RPS6KA5: variants seen among roughly 807,000 people sequenced by gnomAD.
The protein encoded by RPS6KA5 is ribosomal protein S6 kinase A5.
A neutral mutation model predicts 85.5 loss-of-function variants in RPS6KA5; 27 were observed. The ratio of observed to expected loss-of-function variants is 0.32; its 90% CI spans 0.23 to 0.44. RPS6KA5 has a LOEUF of 0.44. Among genes scored for constraint, RPS6KA5 ranks in the 20% least tolerant of loss-of-function variants. The pLI is 1.00. For synonymous variants in RPS6KA5, 334 were observed against 348.2 expected, an observed-to-expected ratio of 0.96 and a Z score of 0.46; for missense variants, 811 against 980.9, an observed-to-expected ratio of 0.83 and a Z score of 2.31.
At chr14:91,060,151 A>T in intron 1 of RPS6KA5, 181 bp downstream of exon 1, 1 of 982,446 alleles carries the variant, frequency 1.0e-6, no homozygotes, top group African/African-American at 1.8e-5. Flanking sequence ...CGCCTCCCCC[A>T]AGGCGCGCCC....
In RPS6KA5 at chr14:90,980,413, C is replaced by T. The variant is rs111614502; in HGVS notation, c.176-1889G>A. ...CTCTCAAAACCAGGAATTCTTTCCA[C>T]AAGATCACCAAACATGGCTGTTCAG... On this transcript the variant is annotated intron_variant, in intron 2 of 16. Transcript: ENST00000614987. Among the ~76,000 whole-genome samples, 646 of 152,314 alleles carry T rather than the reference C, an allele frequency of 4.2e-3. 4 individuals carry two copies. Among genetic ancestry groups the T allele is most frequent in the African/African-American group, 0.014 (597 of 41,560 alleles).
At chr14:90,975,723 G>A (rs1230190297) in intron 3 of RPS6KA5, among the ~76,000 whole-genome samples, 1 of 152,212 alleles carries the variant, frequency 6.6e-6, no homozygotes, top group Admixed American at 6.5e-5. Flanking sequence ...TTGGGAAACT[G>A]ACCTAGTGTG....
chr14:90,952,455 T>C (rs1478669698), intron 3 of RPS6KA5, among the ~76,000 whole-genome samples: 3 of 152,258 alleles, frequency 2.0e-5, no homozygotes, highest in African/African-American at 7.2e-5. Context: ...GTTTTCACTT[T>C]AATCACTGTG....
chr14:90,986,013 G>C (rs1035423885), intron 2 of RPS6KA5, among the ~76,000 whole-genome samples: 1 of 152,134 alleles, frequency 6.6e-6, no homozygotes, highest in African/African-American at 2.4e-5. Context: ...TAAAAGGCTA[G>C]GGGGAGTATT....
intron 14 of RPS6KA5, among the ~76,000 whole-genome samples, chr14:90,887,857 G>A (rs887370207): frequency 6.7e-6 from 1 of 149,294 alleles, no homozygotes; most frequent in Admixed American, 6.7e-5. Flanking sequence ...AGCTACTCAG[G>A]AGGCTGAGGT....
Position 90,870,695 on chromosome 14 carries a change from A to G in RPS6KA5, c.*1379T>C, listed in dbSNP as rs2033040710. The G allele has an allele frequency of 6.6e-6, 1 of 152,366 alleles. No individual in the cohort carries two copies. The highest frequency in any genetic ancestry group is 2.1e-4 in the South Asian group (1 of 4,832). The allele number at this position is 152,366 out of a possible 1,614,324, so 9.4% of individuals were successfully genotyped here. A position where few individuals can be genotyped will look rare whatever the true frequency, so the allele number is the denominator to read the frequency against. On this transcript the variant is annotated 3_prime_UTR_variant, in exon 17 of 17. Coordinates refer to ENST00000614987, the MANE Select transcript of RPS6KA5 (RefSeq NM_004755.4). ...CTATAAAATAAACATGTTGGGCATT[A>G]TCTCTTTAAGCATGATTCCTGTAAA... is the stretch of plus-strand genomic sequence containing the variant.
Position 90,978,489 on chromosome 14 carries a change from C to T in RPS6KA5, c.211G>A (p.Gly71Ser). Reference sequence around the variant, plus strand: ...GCATACAGCTTTCCAGTATCATGGCCACTTATTTTACGAACTAGAAATACT... The same window carrying T: ...GCATACAGCTTTCCAGTATCATGGCTACTTATTTTACGAACTAGAAATACT... ...GKVFLVRKIS[G>S]HDTGKLYAMK... Residue 71 changes from glycine (G) to serine (S), a missense_variant, in exon 3 of 17, where the codon GGC (glycine) becomes AGC (serine). By Grantham distance (56) the Gly-to-Ser change is moderately conservative. Coordinates refer to ENST00000614987, the MANE Select transcript of RPS6KA5 (RefSeq NM_004755.4). The T allele has an allele frequency of 6.2e-7, 1 of 1,601,186 alleles. No individual in the cohort carries two copies. Among genetic ancestry groups the T allele is most frequent in the Non-Finnish European group, 8.5e-7 (1 of 1,175,686 alleles).
chr14:90,919,450 A>C (rs1304947741), intron 7 of RPS6KA5, among the ~76,000 whole-genome samples: 1 of 152,192 alleles, frequency 6.6e-6, no homozygotes, highest in African/African-American at 2.4e-5. Context: ...CTCTATTTTT[A>C]ATTTTTAATG....
At chr14:90,920,471 C>T (rs1212891790) in intron 6 of RPS6KA5, among the ~76,000 whole-genome samples, 162 bp from the exon 7 acceptor site, 1 of 152,096 alleles carries the variant, frequency 6.6e-6, no homozygotes, top group Non-Finnish European at 1.5e-5. Context: ...GCAAGAAAGA[C>T]ATTTAGAGAA....
At chr14:90,979,692 C>T (rs1002269940) in intron 2 of RPS6KA5, among the ~76,000 whole-genome samples, 2 of 152,236 alleles carry the variant, frequency 1.3e-5, no homozygotes, top group East Asian at 1.9e-4. Context: ...TGAGAAGGAG[C>T]GCCAACATTT....
At chr14:91,037,885 C>T (rs2042464132) in intron 1 of RPS6KA5, among the ~76,000 whole-genome samples, 1 of 152,206 alleles carries the variant, frequency 6.6e-6, no homozygotes. Context: ...TCCTTCTGTT[C>T]CTACTGGTAC....
In RPS6KA5 at chr14:90,875,327, A is replaced by G; in HGVS notation, c.1870T>C (p.Ser624Pro). 1 of 1,613,910 alleles carries G rather than the reference A, an allele frequency of 6.2e-7. No individual in the cohort carries two copies. Among genetic ancestry groups the G allele is most frequent in the South Asian group, 1.1e-5 (1 of 91,072 alleles). ...TMLSGQVPFQ[S>P]HDRSLTCTSA... ...GTACACGTCAAACTTCGGTCATGAG[A>G]TTGGAAGGGAACCTGTCCTGACAAC... Residue 624 changes from serine (S) to proline (P), a missense_variant, in exon 15 of 17, where the codon TCT becomes CCT. This residue lies in a region of RPS6KA5 where 650 missense variants were observed against 793.4 expected (regional missense o/e 0.82). Transcript: ENST00000614987.
At chr14:91,055,501 C>T (rs530966083) in intron 1 of RPS6KA5, among the ~76,000 whole-genome samples, 13 of 152,104 alleles carry the variant, frequency 8.5e-5, no homozygotes, top group Non-Finnish European at 1.9e-4. Flanking sequence ...TTAATTTTGC[C>T]GGGCAGGTTG....
chr14:90,900,219 T>C lies in RPS6KA5; in HGVS notation c.1268A>G (p.Tyr423Cys), dbSNP rs141570904. ...GGGTTTGTCCTTCAAATCTAGGTCA[T>C]AGTGTTGATAGAATGGAGAGTCCTG... ...MMKDSPFYQH[Y>C]DLDLKDKPLG... The change falls in exon 11 of 17, where the codon TAT becomes TGT. Residue 423 changes from tyrosine (Y) to cysteine (C), a missense_variant. By Grantham distance (194) the Tyr-to-Cys change is radical (BLOSUM62 -2). Transcript: ENST00000614987. The C allele has an allele frequency of 3.1e-6, 5 of 1,596,308 alleles. No individual in the cohort carries two copies. Among genetic ancestry groups the C allele is most frequent in the Non-Finnish European group, 3.4e-6 (4 of 1,170,888 alleles).
intron 2 of RPS6KA5, among the ~76,000 whole-genome samples, chr14:90,989,930 G>A (rs1198888163): frequency 2.0e-5 from 3 of 152,158 alleles, no homozygotes; most frequent in Admixed American, 2.0e-4. Flanking sequence ...TTACAATCCA[G>A]AGGAAAGATT....
At chr14:90,875,596 T>A (rs1180158749) in intron 14 of RPS6KA5, among the ~76,000 whole-genome samples, 2 of 152,144 alleles carry the variant, frequency 1.3e-5, no homozygotes, top group South Asian at 4.2e-4. Context: ...TAAAGACACA[T>A]GCACACGTAT....
chr14:90,978,977 C>T (rs2039682339), intron 2 of RPS6KA5, among the ~76,000 whole-genome samples: 1 of 152,108 alleles, frequency 6.6e-6, no homozygotes, highest in Non-Finnish European at 1.5e-5. Flanking sequence ...AATTATTCCT[C>T]TATACTTATA....
At chr14:91,007,633 G>C (rs2041078916) in intron 1 of RPS6KA5, among the ~76,000 whole-genome samples, 3 of 151,674 alleles carry the variant, frequency 2.0e-5, no homozygotes, top group Admixed American at 2.0e-4. Context: ...TCCCCTCACA[G>C]GTACCTTTTC....
intron 1 of RPS6KA5, among the ~76,000 whole-genome samples, chr14:91,007,385 C>T (rs1269932666): frequency 2.6e-5 from 4 of 152,286 alleles, no homozygotes; most frequent in African/African-American, 9.6e-5. Context: ...CTGATGACCA[C>T]ATGAGTTGTT....
Sources: allele counts gnomAD v4.1 joint callset (sites outside exome capture counted in the v4.1 genomes callset), GRCh38; gene constraint gnomAD v4.1.1; regional missense constraint gnomAD v4.1.1; transcripts MANE v1.5; gene names NCBI Gene and HGNC (gene_info 2026-07-23, HGNC 2026-07-21).